The following TMEM156 variants were observed in gnomAD, a reference collection of about 807,000 sequenced individuals.
The protein encoded by TMEM156 is transmembrane protein 156.
In TMEM156, 28 loss-of-function variants were observed where a neutral mutation model predicts 30.5. The ratio of observed to expected loss-of-function variants is 0.92; its 90% CI spans 0.68 to 1.26. The LOEUF is 1.26. Ranked by LOEUF, TMEM156 falls within the 50% of genes most tolerant of loss-of-function variation. The pLI is 0.00. For synonymous variants in TMEM156, 137 were observed against 119.9 expected (o/e 1.14, Z -0.93); for missense variants, 351 against 340.6 (o/e 1.03, Z -0.24).
chr4:38,988,295 C>G (rs1359135709), intron 4 of TMEM156, among the ~76,000 whole-genome samples: 2 of 152,190 alleles, frequency 1.3e-5, no homozygotes, highest in Non-Finnish European at 2.9e-5. Flanking sequence ...GCGATCTCAG[C>G]TCACTGCAAC....
chr4:39,025,951 T>C (rs1041692514), intron 1 of TMEM156, among the ~76,000 whole-genome samples: 7 of 152,230 alleles, frequency 4.6e-5, no homozygotes, highest in African/African-American at 1.7e-4. Context: ...GGTTTTCTTT[T>C]GATTTCCTTA....
At chr4:38,998,037 T>C (rs1713048983) in intron 2 of TMEM156, among the ~76,000 whole-genome samples, 1 of 152,174 alleles carries the variant, frequency 6.6e-6, no homozygotes, top group Non-Finnish European at 1.5e-5. Flanking sequence ...CTTAAAATTG[T>C]TTTTTAAAGA....
At chr4:39,031,882 AAAAAAAAATAAAAAAT>A (rs1415972888) in intron 1 of TMEM156, among the ~76,000 whole-genome samples, 5 of 93,044 alleles carry the variant, frequency 5.4e-5, no homozygotes, top group Admixed American at 1.3e-4. Flanking sequence ...CCATCTCAAA[AAAAAAAAATAAAAAAT>A]AAAAAAATAA....
chr4:39,023,027 G>A (rs955807152), intron 1 of TMEM156, among the ~76,000 whole-genome samples: 3 of 152,150 alleles, frequency 2.0e-5, no homozygotes, highest in Non-Finnish European at 4.4e-5. Context: ...ATTCCAATAT[G>A]ATGGTATTTG....
chr4:39,030,981 C>G (rs747023412), intron 1 of TMEM156, among the ~76,000 whole-genome samples: 17 of 152,168 alleles, frequency 1.1e-4, no homozygotes, highest in Non-Finnish European at 2.4e-4. Context: ...ATTTTTAACT[C>G]GCTACTTAGC....
chr4:39,017,331 C>G (rs541506603), intron 1 of TMEM156, among the ~76,000 whole-genome samples: 1 of 151,610 alleles, frequency 6.6e-6, no homozygotes. Flanking sequence ...CCCGCCACCA[C>G]GCCTGGCTAA....
intron 6 of TMEM156, among the ~76,000 whole-genome samples, chr4:38,969,487 T>C (rs1722496426): frequency 6.6e-6 from 1 of 152,264 alleles, no homozygotes; most frequent in Non-Finnish European, 1.5e-5. Flanking sequence ...TGATGGGCAC[T>C]TAGGTCCATT....
At chr4:38,999,495 C>T (rs1238056975) in intron 1 of TMEM156, among the ~76,000 whole-genome samples, 5 of 152,168 alleles carry the variant, frequency 3.3e-5, no homozygotes, top group African/African-American at 7.2e-5. Context: ...AAAATAAAGA[C>T]TCAAGTCAAT....
At chr4:38,971,255 G>A (rs1722584137) in intron 5 of TMEM156, 118 bp from the exon 6 acceptor site, 3 of 914,156 alleles carry the variant, frequency 3.3e-6, no homozygotes, top group African/African-American at 1.7e-5. Context: ...AAAGGATTTT[G>A]GGACTTTCTA....
In TMEM156 at chr4:38,971,076, T is replaced by C. The variant is rs760275934; in HGVS notation, c.885A>G (p.Glu295=). Residue 295 remains glutamate, a synonymous_variant, in exon 6 of 7, where the codon GAA becomes GAG. Coordinates refer to ENST00000381938, the MANE Select transcript of TMEM156 (RefSeq NM_024943.3). Reference sequence around the variant, plus strand: ...GATGCACTGTGGAAGTAACTTATAGTTCTGGAATTGGGGGAAGCACTTCCT... The same window carrying C: ...GATGCACTGTGGAAGTAACTTATAGCTCTGGAATTGGGGGAAGCACTTCCT... The part of the protein sequence containing the change: ...QVQEVLPPIP[E]L 2 of 1,613,848 alleles carry C rather than the reference T, an allele frequency of 1.2e-6. No individual in the cohort carries two copies. Among genetic ancestry groups the C allele is most frequent in the African/African-American group, 2.7e-5 (2 of 74,910 alleles).
chr4:39,006,602 G>A (rs571409998), intron 1 of TMEM156, among the ~76,000 whole-genome samples: 28 of 151,828 alleles, frequency 1.8e-4, no homozygotes, highest in African/African-American at 2.9e-4. Flanking sequence ...TTAAAGTTTC[G>A]CCTTTCACAT....
intron 4 of TMEM156, among the ~76,000 whole-genome samples, chr4:38,987,928 T>C (rs16995034): frequency 0.013 from 1,996 of 152,292 alleles, 43 homozygotes; most frequent in African/African-American, 0.046. Context: ...AATTGTCCAT[T>C]GGGCCTGATA....
At chr4:38,991,653 A>G (rs531844398) in intron 3 of TMEM156, among the ~76,000 whole-genome samples, 1 of 149,244 alleles carries the variant, frequency 6.7e-6, no homozygotes, top group African/African-American at 2.4e-5. Context: ...TGATTCTAGA[A>G]TTTATGGATT....
intron 1 of TMEM156, among the ~76,000 whole-genome samples, chr4:39,017,121 G>A (rs556965696): frequency 6.6e-6 from 1 of 151,290 alleles, no homozygotes; most frequent in East Asian, 1.9e-4. Flanking sequence ...ACAATTGAAG[G>A]TGAGATTTGG....
At position 38,971,139 on chromosome 4, in the gene TMEM156, T is replaced by C. The variant is rs748028849; in HGVS notation, c.824-2A>G. On this transcript the variant is annotated splice_acceptor_variant, in intron 5 of 6. Coordinates refer to ENST00000381938, the MANE Select transcript of TMEM156 (RefSeq NM_024943.3). LOFTEE classifies it high-confidence loss of function. ...AAGGCAGCCTCTGCGTGGTCTCTGC[T>C]ATTTAAGAAGGAGAACTGTTTTAGT... 2 of 1,613,918 alleles carry C rather than the reference T, an allele frequency of 1.2e-6. No homozygotes were observed. The highest frequency in any genetic ancestry group is 1.7e-6 in the Non-Finnish European group (2 of 1,179,812).
At chr4:39,031,872 C>A (rs1175532160) in intron 1 of TMEM156, among the ~76,000 whole-genome samples, 5 of 113,924 alleles carry the variant, frequency 4.4e-5, no homozygotes, top group Non-Finnish European at 8.5e-5. Flanking sequence ...GACAGAGACT[C>A]CATCTCAAAA....
chr4:39,002,293 T>G (rs1713419658), intron 1 of TMEM156, among the ~76,000 whole-genome samples: 1 of 152,160 alleles, frequency 6.6e-6, no homozygotes, highest in Non-Finnish European at 1.5e-5. Context: ...ATGTTCACCA[T>G]CAATGGCCAT....
chr4:38,982,667 C>T (rs116258811), intron 5 of TMEM156, among the ~76,000 whole-genome samples: 149 of 152,286 alleles, frequency 9.8e-4, no homozygotes, highest in African/African-American at 3.4e-3. Flanking sequence ...CAGAGATCAC[C>T]TGTGTGAAGA....
intron 1 of TMEM156, among the ~76,000 whole-genome samples, chr4:39,016,968 C>A (rs143175944): frequency 6.6e-6 from 1 of 152,106 alleles, no homozygotes; most frequent in Non-Finnish European, 1.5e-5. Context: ...GGCAGGCAAG[C>A]GAACTTGTGC....
Sources: allele counts gnomAD v4.1 joint callset (sites outside exome capture counted in the v4.1 genomes callset), GRCh38; gene constraint gnomAD v4.1.1; transcripts MANE v1.5; gene names NCBI Gene and HGNC (gene_info 2026-07-23, HGNC 2026-07-21).